Variants in CNTNAP2 observed in about 807,000 individuals in gnomAD.
The protein encoded by CNTNAP2 is contactin-associated protein-like 2.
Under a neutral mutation model 155.2 loss-of-function variants are expected in CNTNAP2, and 98 were observed. The observed-to-expected ratio is 0.63, with a 90% CI of 0.54 to 0.75. CNTNAP2 has a LOEUF of 0.75. Ranked by LOEUF, CNTNAP2 falls within the 30% of genes least tolerant of loss-of-function variation. The probability of loss-of-function intolerance (pLI) is 0.00; values close to 1 mark genes in which losing one functional copy is unlikely to be tolerated. For missense variants in CNTNAP2, 1,727 were observed against 1,688.1 expected (o/e 1.02, Z -0.40); for synonymous variants, 651 against 631.2 (o/e 1.03, Z -0.47).
intron 2 of CNTNAP2, among the ~76,000 whole-genome samples, chr7:146,797,115 A>G (rs1448427955): frequency 6.6e-6 from 1 of 152,180 alleles, no homozygotes; most frequent in Non-Finnish European, 1.5e-5. Flanking sequence ...CAGCCTGGGC[A>G]ACAGAGCGAG....
intron 10 of CNTNAP2, among the ~76,000 whole-genome samples, chr7:147,406,623 T>C (rs547488759): frequency 6.6e-6 from 1 of 152,322 alleles, no homozygotes; most frequent in Admixed American, 6.5e-5. Context: ...TACTTTGTTG[T>C]CTTTGCCTAT....
Position 148,217,430 on chromosome 7 carries a change from C to A in CNTNAP2, c.3153C>A (p.Ile1051=). 6.2e-7 allele frequency: 1 copy of A among 1,614,210 alleles called. No individual in the cohort carries two copies. The highest frequency in any genetic ancestry group is 2.2e-5 in the East Asian group (1 of 44,882). ...ACCCGGACCTGGCACAGGAGGAGATCCGCTTCAGCTTCAGCACCACCAAGG... is the reference window on the plus strand; with the variant it reads ...ACCCGGACCTGGCACAGGAGGAGATACGCTTCAGCTTCAGCACCACCAAGG... ...NSHPDLAQEE[I]RFSFSTTKAP... The change falls in exon 19 of 24, where the codon ATC becomes ATA. Residue 1051 remains isoleucine (I), a synonymous_variant. Transcript: ENST00000361727.
intron 1 of CNTNAP2, among the ~76,000 whole-genome samples, chr7:146,355,660 G>A (rs1027481456): frequency 6.6e-6 from 1 of 152,128 alleles, no homozygotes; most frequent in African/African-American, 2.4e-5. Context: ...CTTAAATACA[G>A]TTAGATACTA....
At chr7:147,125,339 G>T (rs536730584) in intron 6 of CNTNAP2, among the ~76,000 whole-genome samples, 2 of 152,132 alleles carry the variant, frequency 1.3e-5, no homozygotes, top group Non-Finnish European at 1.5e-5. Flanking sequence ...TTGTGACCTA[G>T]TCCTAAGAGT....
At chr7:146,842,121 A>AG (rs1310601055) in intron 3 of CNTNAP2, among the ~76,000 whole-genome samples, 6 of 152,034 alleles carry the variant, frequency 3.9e-5, no homozygotes, top group African/African-American at 1.5e-4. Context: ...TCCTGACCTC[A>AG]GGTGATCTAC....
At chr7:147,207,662 G>GT (rs921414354) in intron 8 of CNTNAP2, among the ~76,000 whole-genome samples, 6 of 151,938 alleles carry the variant, frequency 3.9e-5, no homozygotes, top group African/African-American at 1.2e-4. Flanking sequence ...AGTTCTATAA[G>GT]TTTTTTTAGC....
intron 1 of CNTNAP2, among the ~76,000 whole-genome samples, chr7:146,393,802 C>T (rs1795580321): frequency 6.6e-6 from 1 of 151,790 alleles, no homozygotes; most frequent in South Asian, 2.1e-4. Context: ...ATGGTGAATA[C>T]ATAAAAATTT....
chr7:147,684,060 T>A (rs1407541290), intron 13 of CNTNAP2, among the ~76,000 whole-genome samples: 1 of 151,866 alleles, frequency 6.6e-6, no homozygotes, highest in Non-Finnish European at 1.5e-5. Context: ...GGTATACTAT[T>A]ATTTTATTCT....
At chr7:148,354,846 C>T (rs1798484715) in intron 21 of CNTNAP2, among the ~76,000 whole-genome samples, 1 of 152,148 alleles carries the variant, frequency 6.6e-6, no homozygotes, top group Non-Finnish European at 1.5e-5. Context: ...TGCCTGGGGA[C>T]AGACCCTAGC....
At chr7:148,366,363 GATTAA>G (rs1798781373) in intron 21 of CNTNAP2, among the ~76,000 whole-genome samples, 2 of 149,268 alleles carry the variant, frequency 1.3e-5, no homozygotes, top group African/African-American at 2.5e-5. Context: ...TAGCAATATT[GATTAA>G]ATTATGTAGT....
chr7:148,366,923 G>A (rs1798793143), intron 21 of CNTNAP2, among the ~76,000 whole-genome samples: 1 of 152,162 alleles, frequency 6.6e-6, no homozygotes, highest in South Asian at 2.1e-4. Context: ...TCCCAGCCAA[G>A]CTTCAAGCCA....
intron 9 of CNTNAP2, among the ~76,000 whole-genome samples, chr7:147,334,210 A>C (rs910312398): frequency 6.6e-6 from 1 of 152,142 alleles, no homozygotes; most frequent in Non-Finnish European, 1.5e-5. Context: ...TAGTTATTCT[A>C]TCTGCCTCCT....
At chr7:146,247,789 A>G (rs564793002) in intron 1 of CNTNAP2, among the ~76,000 whole-genome samples, 12 of 152,186 alleles carry the variant, frequency 7.9e-5, no homozygotes, top group Admixed American at 7.9e-4. Context: ...TAAGTTCTTA[A>G]TAACACAGGC....
At chr7:146,170,858 T>C (rs1485837498) in intron 1 of CNTNAP2, among the ~76,000 whole-genome samples, 1 of 151,978 alleles carries the variant, frequency 6.6e-6, no homozygotes, top group Admixed American at 6.5e-5. Context: ...AAACCCTGTT[T>C]CTACTAAAAC....
At chr7:146,586,995 T>C (rs1298117476) in intron 1 of CNTNAP2, among the ~76,000 whole-genome samples, 1 of 152,040 alleles carries the variant, frequency 6.6e-6, no homozygotes, top group Non-Finnish European at 1.5e-5. Flanking sequence ...ATATTTCTTA[T>C]TAAATATTAT....
At chr7:146,475,960 A>G (rs1338005382) in intron 1 of CNTNAP2, among the ~76,000 whole-genome samples, 4 of 152,170 alleles carry the variant, frequency 2.6e-5, no homozygotes, top group Non-Finnish European at 5.9e-5. Flanking sequence ...AATATCCTAA[A>G]GGCACTCTAA....
At chr7:148,246,854 G>A (rs1039595024) in intron 20 of CNTNAP2, among the ~76,000 whole-genome samples, 1 of 152,194 alleles carries the variant, frequency 6.6e-6, no homozygotes, top group African/African-American at 2.4e-5. Context: ...GTGAAGGGAA[G>A]TTCTAGACTC....
intron 1 of CNTNAP2, among the ~76,000 whole-genome samples, chr7:146,664,082 T>A (rs1241303249): frequency 6.6e-6 from 1 of 151,914 alleles, no homozygotes; most frequent in Non-Finnish European, 1.5e-5. Context: ...ACTATTGAAT[T>A]CTGTTAAATC....
chr7:146,365,129 C>T (rs999547898), intron 1 of CNTNAP2, among the ~76,000 whole-genome samples: 10 of 152,150 alleles, frequency 6.6e-5, no homozygotes, highest in Non-Finnish European at 1.0e-4. Flanking sequence ...TGTTTTCTTT[C>T]TTTTATCCAA....
Sources: gnomAD v4.1 joint callset for allele counts (sites outside exome capture counted in the v4.1 genomes callset) on GRCh38, gnomAD v4.1.1 for gene constraint, MANE v1.5 for transcripts, NCBI Gene and HGNC (gene_info 2026-07-23, HGNC 2026-07-21) for gene names.